The following TAF1 variants were observed in gnomAD, a reference collection of about 807,000 sequenced individuals.
TAF1 encodes TATA-box binding protein associated factor 1, also known as transcription initiation factor TFIID subunit 1.
A neutral mutation model predicts 138.5 loss-of-function variants in TAF1; 2 were observed. The observed-to-expected ratio is 0.01, with a 90% CI of 0.01 to 0.05. The LOEUF (loss-of-function observed/expected upper bound fraction) is 0.05. Ranked by LOEUF, TAF1 falls within the 10% of genes least tolerant of loss-of-function variation. The probability of loss-of-function intolerance (pLI) is 1.00; values close to 1 mark genes in which losing one functional copy is unlikely to be tolerated. For missense variants in TAF1, 709 were observed against 1,478.0 expected (o/e 0.48, Z 8.53); for synonymous variants, 437 against 503.2 (o/e 0.87, Z 1.76).
At chrX:71,516,044 TA>T (rs2039818019) in intron 13 of TAF1, among the ~76,000 whole-genome samples, 1 of 109,370 alleles carries the variant, frequency 9.1e-6, no homozygotes, top group Admixed American at 9.9e-5. Context: ...GGAGTTTTTT[TA>T]AAATTTATTT....
At chrX:71,460,524 G>A in intron 36 of TAF1, 102 bp from the exon 37 acceptor site, 1 of 968,898 alleles carries the variant, frequency 1.0e-6, no homozygotes, top group Non-Finnish European at 1.4e-6. Context: ...AGATACCTGT[G>A]TAGATGTGTG....
intron 13 of TAF1, among the ~76,000 whole-genome samples, chrX:71,518,560 C>T (rs1199426896): frequency 9.0e-6 from 1 of 111,169 alleles, no homozygotes; most frequent in Non-Finnish European, 1.9e-5. Flanking sequence ...TGGTACACAC[C>T]TGATTTGAAA....
At chrX:71,373,753 T>C (rs1226866835) in intron 3 of TAF1, among the ~76,000 whole-genome samples, 1 of 111,344 alleles carries the variant, frequency 9.0e-6, no homozygotes, top group Non-Finnish European at 1.9e-5. Context: ...AGGTGATTCT[T>C]GAGAGAGGGA....
chrX:71,444,464 A>G (rs774629942), intron 32 of TAF1, among the ~76,000 whole-genome samples: 1 of 111,698 alleles, frequency 9.0e-6, no homozygotes, highest in African/African-American at 3.3e-5. Flanking sequence ...CACACCTGTA[A>G]TCCCAGTGCT....
intron 13 of TAF1, among the ~76,000 whole-genome samples, chrX:71,508,606 GAAA>G: frequency 2.6e-5 from 1 of 38,484 alleles, no homozygotes; most frequent in Admixed American, 3.7e-4. Context: ...CCCTGTCTCT[GAAA>G]AAAAAAAAAA....
rs1396209510 is a variant in TAF1, at chrX:71,465,650, A to G, written c.*1604A>G. 8.9e-6 allele frequency: 1 copy of G among 112,269 alleles called. No individual in the cohort carries two copies. The highest frequency in any genetic ancestry group is 3.2e-5 in the African/African-American group (1 of 30,903). 9.3% of individuals were successfully genotyped at this position (112,269 alleles called of 1,213,427 possible). On this transcript the variant is annotated 3_prime_UTR_variant, in exon 38 of 38. Coordinates refer to ENST00000423759, the MANE Select transcript of TAF1 (RefSeq NM_004606.5). Reference sequence around the variant, plus strand: ...TGTTAATGTGTATGATTTTTATATTATGGGAAATAAGCTCTTAGAGGAGTG... The same window carrying G: ...TGTTAATGTGTATGATTTTTATATTGTGGGAAATAAGCTCTTAGAGGAGTG...
intron 25 of TAF1, 67 bp from the exon 26 acceptor site, chrX:71,406,571 A>T: frequency 1.9e-6 from 2 of 1,059,675 alleles, no homozygotes; most frequent in Non-Finnish European, 2.6e-6. Context: ...TTTTAATTAT[A>T]GTTGCTTTTT....
chrX:71,503,308 A>ATATATATATATATGTGTGTG (rs1425900499), intron 13 of TAF1, among the ~76,000 whole-genome samples: 2 of 95,766 alleles, frequency 2.1e-5, no homozygotes, highest in Non-Finnish European at 4.0e-5. Context: ...GTATATATAT[A>ATATATATATATATGTGTGTG]TATATATATA....
intron 9 of TAF1, 132 bp from the exon 10 acceptor site, chrX:71,382,404 G>A (rs765449699): frequency 3.4e-6 from 3 of 874,582 alleles, no homozygotes; most frequent in South Asian, 2.8e-5. Flanking sequence ...CCTGGGGGGG[G>A]GTGGGATGAA....
intron 14 of TAF1, among the ~76,000 whole-genome samples, chrX:71,386,290 C>T (rs933751798): frequency 9.0e-6 from 1 of 111,579 alleles, no homozygotes; most frequent in African/African-American, 3.3e-5. Context: ...TTCTGATTTT[C>T]GGGGAAGGCT....
At chrX:71,377,349 A>T (rs936109242) in intron 5 of TAF1, among the ~76,000 whole-genome samples, 158 bp downstream of exon 5, 8 of 111,456 alleles carry the variant, frequency 7.2e-5, no homozygotes, top group Middle Eastern at 9.2e-3. Flanking sequence ...TCTTTTTTTT[A>T]AAGTTGTATG....
At chrX:71,370,258 G>A (rs1016470404) in intron 3 of TAF1, among the ~76,000 whole-genome samples, 4 of 111,248 alleles carry the variant, frequency 3.6e-5, no homozygotes, top group African/African-American at 1.3e-4. Flanking sequence ...CTGATCTTGA[G>A]AAGTTCAATT....
intron 32 of TAF1, among the ~76,000 whole-genome samples, chrX:71,437,834 CTT>C (rs1163295877): frequency 6.4e-5 from 6 of 93,648 alleles, no homozygotes; most frequent in Admixed American, 1.2e-4. Flanking sequence ...GTCATTTTAA[CTT>C]TTTTTTTTTT....
intron 18 of TAF1, 135 bp downstream of exon 18, chrX:71,389,800 A>G (rs781033451): frequency 2.3e-6 from 1 of 443,625 alleles, no homozygotes; most frequent in East Asian, 4.4e-5. Flanking sequence ...TGCTTTATTC[A>G]TGCCAGAAAA....
rs1177036494 is a variant in TAF1 at position 71,406,576 on chromosome X, C to CT, written c.3999-55dup. ...TTGGACTTTTTTTTAATTATAGTTG[C>CT]TTTTTTTCCCCCTGGGAACTAGAAA... On this transcript the variant is annotated intron_variant, in intron 25 of 37. Transcript: ENST00000423759. 20 of 1,086,498 alleles carry CT rather than the reference C, an allele frequency of 1.8e-5. 1 individual carries two copies. The highest frequency in any genetic ancestry group is 4.2e-5 in the South Asian group (2 of 47,348). The allele number at this position is 1,086,498 out of a possible 1,213,427, so 89.5% of individuals were successfully genotyped here. A position where few individuals can be genotyped will look rare whatever the true frequency, so the allele number is the denominator to read the frequency against.
At chrX:71,511,470 G>A (rs2039729642) in intron 13 of TAF1, among the ~76,000 whole-genome samples, 1 of 112,418 alleles carries the variant, frequency 8.9e-6, no homozygotes, top group African/African-American at 3.2e-5. Context: ...ATTATAAAAG[G>A]TTAAGGTAAG....
intron 32 of TAF1, among the ~76,000 whole-genome samples, chrX:71,453,055 G>A (rs2038105327): frequency 9.1e-6 from 1 of 110,404 alleles, no homozygotes; most frequent in Non-Finnish European, 1.9e-5. Flanking sequence ...ACCGTGGAAA[G>A]AGAGGGAGAG....
At chrX:71,383,922 C>T (rs1048357846) in intron 12 of TAF1, 40 bp from the exon 13 acceptor site, 5 of 1,182,109 alleles carry the variant, frequency 4.2e-6, no homozygotes, top group Non-Finnish European at 5.7e-6. Flanking sequence ...GTAGTAGTGT[C>T]CTGTCAGGAG....
chrX:71,381,658 A>G, intron 8 of TAF1, 85 bp from the exon 9 acceptor site: 1 of 1,046,810 alleles, frequency 9.6e-7, no homozygotes. Context: ...TAACATGAGT[A>G]ACTCTTTTTA....
Sources: gnomAD v4.1 joint callset for allele counts (sites outside exome capture counted in the v4.1 genomes callset) on GRCh38, gnomAD v4.1.1 for gene constraint, MANE v1.5 for transcripts, NCBI Gene and HGNC (gene_info 2026-07-23, HGNC 2026-07-21) for gene names.